Variants in POC1A observed in about 807,000 individuals in gnomAD.
The protein encoded by POC1A is POC1 centriolar protein homolog A.
Under a neutral mutation model 47.8 loss-of-function variants are expected in POC1A, and 34 were observed. The ratio of observed to expected loss-of-function variants is 0.71; its 90% CI spans 0.54 to 0.95. The LOEUF is 0.95. Among genes scored for constraint, POC1A ranks in the 40% least tolerant of loss-of-function variants. The pLI, the probability that POC1A is intolerant of heterozygous loss-of-function variation, is 0.00. For synonymous variants in POC1A, 177 were observed against 207.6 expected (o/e 0.85, Z 1.27); for missense variants, 466 against 528.3 (o/e 0.88, Z 1.16).
chr3:52,106,647 C>T (rs1703194256), intron 9 of POC1A, among the ~76,000 whole-genome samples: 1 of 152,158 alleles, frequency 6.6e-6, no homozygotes, highest in Non-Finnish European at 1.5e-5. Flanking sequence ...AGACCATCTC[C>T]CCGTCCCCTC....
chr3:52,115,057 T>G (rs537631956), intron 9 of POC1A, among the ~76,000 whole-genome samples: 1 of 152,172 alleles, frequency 6.6e-6, no homozygotes, highest in Non-Finnish European at 1.5e-5. Flanking sequence ...TTGGGCTCCA[T>G]GAAGCCATGC....
chr3:52,145,296 C>A (rs118138401), intron 6 of POC1A, among the ~76,000 whole-genome samples: 9 of 152,350 alleles, frequency 5.9e-5, no homozygotes, highest in Admixed American at 4.6e-4. Flanking sequence ...GCCACCCTGC[C>A]TTCCAAGGGC....
At chr3:52,085,239 C>T (rs909413945) in intron 10 of POC1A, among the ~76,000 whole-genome samples, 1 of 152,176 alleles carries the variant, frequency 6.6e-6, no homozygotes, top group Non-Finnish European at 1.5e-5. Flanking sequence ...CCCAGCTGGG[C>T]TCCTCCTGCA....
intron 7 of POC1A, among the ~76,000 whole-genome samples, chr3:52,130,344 C>T (rs1704166054): frequency 6.6e-6 from 1 of 152,222 alleles, no homozygotes; most frequent in South Asian, 2.1e-4. Context: ...AACAATCCAA[C>T]CCACTGGGAT....
intron 9 of POC1A, among the ~76,000 whole-genome samples, chr3:52,120,981 G>A (rs2107084283): frequency 6.6e-6 from 1 of 152,346 alleles, no homozygotes; most frequent in South Asian, 2.1e-4. Flanking sequence ...TTGAAATGGG[G>A]AAAAGCAGCC....
chr3:52,075,906 A>G lies in POC1A; in HGVS notation c.1205T>C (p.Met402Thr), dbSNP rs1702100562. ...KQCLENQQLIMQRATP is the reference protein window; with the variant it reads ...KQCLENQQLITQRATP ...CCCTGATCATGGTGTTGCTCTCTGC[A>G]TGATTAGCTGCTGGTTCTCCAGACA... The change falls in exon 11 of 11, where the codon ATG becomes ACG. Residue 402 changes from methionine (M) to threonine (T), a missense_variant. Physicochemically the swap from Met to Thr is moderately conservative, Grantham distance 81 (BLOSUM62 -1). Transcript: ENST00000296484. 2 of 1,613,708 alleles carry G rather than the reference A, an allele frequency of 1.2e-6. No individual in the cohort carries two copies. The highest frequency in any genetic ancestry group is 1.7e-6 in the Non-Finnish European group (2 of 1,179,630).
intron 10 of POC1A, among the ~76,000 whole-genome samples, chr3:52,089,126 G>A (rs1380803982): frequency 2.0e-5 from 3 of 151,778 alleles, no homozygotes; most frequent in African/African-American, 2.4e-5. Flanking sequence ...CTGCAAACAC[G>A]AGCTTGCCCG....
chr3:52,134,694 T>A (rs191988962), intron 7 of POC1A, among the ~76,000 whole-genome samples: 81 of 151,754 alleles, frequency 5.3e-4, no homozygotes, highest in Non-Finnish European at 1.0e-3. Context: ...CACATGTACA[T>A]GTGATAGAAA....
At chr3:52,122,258 G>A in intron 9 of POC1A, 121 bp downstream of exon 9, 1 of 617,156 alleles carries the variant, frequency 1.6e-6, no homozygotes, top group East Asian at 2.8e-5. Context: ...GATCTTGCTA[G>A]GGTCCCTTTC....
intron 9 of POC1A, among the ~76,000 whole-genome samples, chr3:52,110,360 AAG>A (rs1703339817): frequency 6.6e-6 from 1 of 152,214 alleles, no homozygotes. Flanking sequence ...GCCATCTGGA[AAG>A]AGACTATAAG....
intron 9 of POC1A, among the ~76,000 whole-genome samples, chr3:52,102,682 C>T (rs1347089487): frequency 1.3e-5 from 2 of 152,172 alleles, no homozygotes; most frequent in African/African-American, 2.4e-5. Context: ...CTACAAAATG[C>T]TTTAGTATAA....
chr3:52,122,941 T>C (rs1241122288), intron 8 of POC1A, among the ~76,000 whole-genome samples: 1 of 152,254 alleles, frequency 6.6e-6, no homozygotes, highest in East Asian at 1.9e-4. Flanking sequence ...TGAACTAAAA[T>C]AGAAGTTCCT....
At chr3:52,127,452 G>A (rs1704048455) in intron 7 of POC1A, among the ~76,000 whole-genome samples, 1 of 150,362 alleles carries the variant, frequency 6.7e-6, no homozygotes, top group Non-Finnish European at 1.5e-5. Context: ...GTGCAGTGGT[G>A]CGATCTTGGC....
At chr3:52,109,108 G>A (rs1703292043) in intron 9 of POC1A, among the ~76,000 whole-genome samples, 1 of 152,178 alleles carries the variant, frequency 6.6e-6, no homozygotes, top group African/African-American at 2.4e-5. Context: ...CCATGGGTCG[G>A]GGAAGGGGGA....
chr3:52,096,893 C>G lies in POC1A; in HGVS notation c.982-181G>C, dbSNP rs191043099. ...CCCACATCTGGGTCCACACACATAC[C>G]TTTCCAGGCAGAGGCCTTAAGTGGG... On this transcript the variant is annotated intron_variant, in intron 9 of 10. Transcript: ENST00000296484. Among the ~76,000 whole-genome samples the G allele has an allele frequency of 3.4e-3, 519 of 152,330 alleles. 4 individuals carry two copies. Among genetic ancestry groups the G allele is most frequent in the African/African-American group, 0.011 (451 of 41,576 alleles).
chr3:52,142,455 T>C (rs1698229073), intron 6 of POC1A, among the ~76,000 whole-genome samples: 1 of 152,186 alleles, frequency 6.6e-6, no homozygotes, highest in Non-Finnish European at 1.5e-5. Context: ...GCTGCCTCCA[T>C]AGCCCAAAGC....
intron 8 of POC1A, among the ~76,000 whole-genome samples, chr3:52,122,745 C>A (rs879485746): frequency 3.3e-5 from 5 of 152,242 alleles, no homozygotes; most frequent in Non-Finnish European, 7.4e-5. Context: ...GGTTCACCTC[C>A]CTAGGGTGTC....
chr3:52,126,672 CTGGGAAGT>C lies in POC1A; in HGVS notation c.814-1499_814-1492del, dbSNP rs1349520068. 3.3e-5 allele frequency among the ~76,000 whole-genome samples: 5 copies of C among 152,344 alleles called. No homozygotes were observed. In the South Asian group the frequency reaches 1.0e-3, roughly 32 times the overall value. On this transcript the variant is annotated intron_variant, in intron 7 of 10. Coordinates refer to ENST00000296484, the MANE Select transcript of POC1A (RefSeq NM_015426.5). ...ATGTATTGGCTCACAGTTCCAGAGG[CTGGGAAGT>C]CCAAGATCGGGGGCCAGCATCTGGC...
chr3:52,151,214 G>C, intron 1 of POC1A, 114 bp from the exon 2 acceptor site: 1 of 1,469,486 alleles, frequency 6.8e-7, no homozygotes, highest in Non-Finnish European at 9.1e-7. Context: ...CTCAAGGCAT[G>C]ATCTTATATA....
Sources: allele counts gnomAD v4.1 joint callset (sites outside exome capture counted in the v4.1 genomes callset), GRCh38; gene constraint gnomAD v4.1.1; transcripts MANE v1.5; gene names NCBI Gene and HGNC (gene_info 2026-07-23, HGNC 2026-07-21).